SAMD4B: variants seen among roughly 807,000 people sequenced by gnomAD.
SAMD4B encodes the protein protein Smaug homolog 2.
Under a neutral mutation model 74.5 loss-of-function variants are expected in SAMD4B, and 5 were observed. The observed-to-expected ratio is 0.07, with a 90% CI of 0.04 to 0.14. The LOEUF is 0.14. SAMD4B is among the 10% of genes least tolerant of loss of function. The pLI, the probability that SAMD4B is intolerant of heterozygous loss-of-function variation, is 1.00. For synonymous variants in SAMD4B, 373 were observed against 374.9 expected (o/e 1.00, Z 0.06); for missense variants, 608 against 921.8 (o/e 0.66, Z 4.41).
chr19:39,375,085 G>C lies in SAMD4B; in HGVS notation c.668-565G>C, dbSNP rs1386574023. ...AAGAAAGAGCAAGTCCAGAAGTCCT[G>C]AGGCTGGAACAACCTTGAGTGTTTC... On this transcript the variant is annotated intron_variant, in intron 4 of 13. Transcript: ENST00000610417. The surrounding 1 kb of genome is among the most constrained non-coding windows in gnomAD (Gnocchi z 4.1). 6.6e-6 allele frequency among the ~76,000 whole-genome samples: 1 copy of C among 152,180 alleles called. No homozygotes were observed. The highest frequency in any genetic ancestry group is 6.5e-5 in the Admixed American group (1 of 15,274).
At chr19:39,389,635 C>G, downstream of SAMD4B, 1 of 1,614,240 alleles carries the variant, frequency 6.2e-7, no homozygotes, top group Admixed American at 1.7e-5. This position sits in a 1 kb window ranked among gnomAD's most constrained non-coding sequence, Gnocchi z 5.3. Flanking sequence ...TGTCTCCCCA[C>G]ACACCATTGG....
Position 39,369,582 on chromosome 19 carries a change from T to C in SAMD4B, c.197-73T>C, listed in dbSNP as rs1462272294. The stretch of plus-strand genomic sequence containing the variant: ...AGATTGGAGCTGAGGGAATAGGCCA[T>C]AGGCAGTGCTCTCAGGTGAATAGGA... On this transcript the variant is annotated intron_variant, in intron 3 of 13. Transcript: ENST00000610417. 27 of 1,195,520 alleles carry C rather than the reference T, an allele frequency of 2.3e-5. No individual in the cohort carries two copies. In the South Asian group the frequency reaches 3.7e-4, roughly 16 times the overall value. The allele number at this position is 1,195,520 out of a possible 1,614,324, so 74.1% of individuals were successfully genotyped here.
chr19:39,353,540 A>G (rs2076172631), intron 1 of SAMD4B, among the ~76,000 whole-genome samples: 1 of 152,200 alleles, frequency 6.6e-6, no homozygotes, highest in South Asian at 2.1e-4. Context: ...ATTACTGTGT[A>G]GCTTATGGAC....
chr19:39,357,752 G>A (rs955675622), intron 3 of SAMD4B, among the ~76,000 whole-genome samples: 4 of 152,158 alleles, frequency 2.6e-5, no homozygotes, highest in African/African-American at 9.7e-5. Context: ...CCACAGGGCT[G>A]GATGGAGAGC....
chr19:39,388,170 C>CTGT (rs1291937167), downstream of SAMD4B, among the ~76,000 whole-genome samples: 3 of 152,140 alleles, frequency 2.0e-5, no homozygotes, highest in African/African-American at 7.2e-5. Context: ...CTGGCTCCTC[C>CTGT]TGTTAGAACC....
At chr19:39,358,477 C>T (rs1425845836) in intron 3 of SAMD4B, among the ~76,000 whole-genome samples, 1 of 151,898 alleles carries the variant, frequency 6.6e-6, no homozygotes, top group Non-Finnish European at 1.5e-5. Flanking sequence ...GTCTCAAACT[C>T]CTGACCTCAT....
rs1396040019 is a variant in SAMD4B at position 39,376,417 on chromosome 19, C to T, written c.908-20C>T. On this transcript the variant is annotated intron_variant, in intron 5 of 13. Coordinates refer to ENST00000610417, the MANE Select transcript of SAMD4B (RefSeq NM_001384574.2). ...TCTGGGCCAAACTCCTGACCTTTCA[C>T]TCTCCCTCCTTTGCCAAAGATGTGC... 3.8e-6 allele frequency: 6 copies of T among 1,593,294 alleles called. No homozygotes were observed. Among genetic ancestry groups the T allele is most frequent in the Non-Finnish European group, 5.1e-6 (6 of 1,166,022 alleles).
At chr19:39,387,137 C>A, downstream of SAMD4B, 1 of 434,910 alleles carries the variant, frequency 2.3e-6, no homozygotes, top group Non-Finnish European at 4.4e-6. Context: ...CACAAACGTA[C>A]ATAGTATAGC....
chr19:39,385,993 A>C, downstream of SAMD4B: 1 of 1,613,492 alleles, frequency 6.2e-7, no homozygotes, highest in Non-Finnish European at 8.5e-7. Flanking sequence ...CCTGGGACTC[A>C]GTCACTGTCA....
At chr19:39,378,000 C>T (rs970968866) in intron 8 of SAMD4B, among the ~76,000 whole-genome samples, 176 bp downstream of exon 8, 5 of 152,196 alleles carry the variant, frequency 3.3e-5, no homozygotes, top group African/African-American at 7.2e-5. Context: ...CCCTTGGGCA[C>T]GTCTGGGCTG....
At chr19:39,357,943 C>G (rs1489060904) in intron 3 of SAMD4B, among the ~76,000 whole-genome samples, 1 of 152,178 alleles carries the variant, frequency 6.6e-6, no homozygotes, top group East Asian at 1.9e-4. Flanking sequence ...TACAGCAAGC[C>G]AAGTACTGTC....
chr19:39,348,812 G>A (rs1361238088), intron 1 of SAMD4B, among the ~76,000 whole-genome samples: 2 of 152,156 alleles, frequency 1.3e-5, no homozygotes, highest in Admixed American at 1.3e-4. Context: ...TGGTGGTGGT[G>A]GTAGTGAAGA....
At chr19:39,354,927 C>T (rs1039864794) in intron 2 of SAMD4B, among the ~76,000 whole-genome samples, 2 of 152,156 alleles carry the variant, frequency 1.3e-5, no homozygotes, top group South Asian at 4.1e-4. Context: ...GGCTGGAGTG[C>T]AGTGGCATGA....
Position 39,383,630 on chromosome 19 carries a change from T to C in SAMD4B, c.*103T>C. The C allele has an allele frequency of 1.2e-6, 2 of 1,611,088 alleles. No individual in the cohort carries two copies. The highest frequency in any genetic ancestry group is 1.7e-4 in the Middle Eastern group (1 of 6,060). On this transcript the variant is annotated 3_prime_UTR_variant, in exon 14 of 14. Coordinates refer to ENST00000610417, the MANE Select transcript of SAMD4B (RefSeq NM_001384574.2). The surrounding 1 kb of genome is among the most constrained non-coding windows in gnomAD (Gnocchi z 4.1). ...CAGCGAGAGGGTGGGCTGGCTCAGCTATATATTCTAATATTTTTCTACTCT... is the reference window on the plus strand; with the variant it reads ...CAGCGAGAGGGTGGGCTGGCTCAGCCATATATTCTAATATTTTTCTACTCT...
rs756186040 is a variant in SAMD4B, at chr19:39,376,778, A to G, written c.1091A>G (p.Lys364Arg). 1.2e-6 allele frequency: 2 copies of G among 1,614,056 alleles called. No individual in the cohort carries two copies. Among genetic ancestry groups the G allele is most frequent in the African/African-American group, 2.7e-5 (2 of 75,062 alleles). The change falls in exon 7 of 14, where the codon AAG becomes AGG. Residue 364 changes from lysine to arginine, a missense_variant. Lys to Arg is a conservative substitution (Grantham distance 26, BLOSUM62 2). Coordinates refer to ENST00000610417, the MANE Select transcript of SAMD4B (RefSeq NM_001384574.2). ...QKLRERQSVL[K>R]SLEKDVLEGG... ...CTGCGTGAGAGACAGAGCGTCCTCA[A>G]GTCCCTAGAGAAGGTGAGGACCTGG...
chr19:39,366,897 G>T (rs1283864020), intron 3 of SAMD4B, among the ~76,000 whole-genome samples: 2 of 152,148 alleles, frequency 1.3e-5, no homozygotes, highest in African/African-American at 4.8e-5. Context: ...TAGCCTCTTG[G>T]TTTCCTGGGC....
Position 39,381,256 on chromosome 19 carries a change from C to G in SAMD4B, c.1972+143C>G, listed in dbSNP as rs528530178. 1.2e-5 allele frequency: 12 copies of G among 1,002,692 alleles called. No individual in the cohort carries two copies. The African/African-American group carries it at 1.8e-4, about 15-fold the overall frequency. The allele number at this position is 1,002,692 out of a possible 1,614,324, so 62.1% of individuals were successfully genotyped here. On this transcript the variant is annotated intron_variant, in intron 12 of 13. Coordinates refer to ENST00000610417, the MANE Select transcript of SAMD4B (RefSeq NM_001384574.2). Reference sequence around the variant, plus strand: ...CTCACACCACTCTGCACCCATCTCCCCCAATTGTGGGGGGTTGTTTTCCTC... The same window carrying G: ...CTCACACCACTCTGCACCCATCTCCGCCAATTGTGGGGGGTTGTTTTCCTC...
At chr19:39,386,898 TC>T, downstream of SAMD4B, 2 of 778,860 alleles carry the variant, frequency 2.6e-6, no homozygotes, top group Non-Finnish European at 2.3e-6. The surrounding 1 kb of genome is among the most constrained non-coding windows in gnomAD (Gnocchi z 6.1). Flanking sequence ...CTGACTTGGT[TC>T]CCCATCAATA....
intron 1 of SAMD4B, among the ~76,000 whole-genome samples, chr19:39,347,239 C>T (rs544809195): frequency 1.3e-5 from 2 of 152,286 alleles, no homozygotes; most frequent in South Asian, 4.1e-4. Flanking sequence ...TCCTCAGCAG[C>T]CCCAGGTTTT....
Sources: allele counts gnomAD v4.1 joint callset (sites outside exome capture counted in the v4.1 genomes callset), GRCh38; gene constraint gnomAD v4.1.1; non-coding constraint Gnocchi (gnomAD v3.1); transcripts MANE v1.5; gene names NCBI Gene and HGNC (gene_info 2026-07-23, HGNC 2026-07-21).